ARHGEF10: variants seen among roughly 807,000 people sequenced by gnomAD.
The protein encoded by ARHGEF10 is Rho guanine nucleotide exchange factor 10.
In ARHGEF10, 140 loss-of-function variants were observed where a neutral mutation model predicts 147.4. That is an observed-to-expected ratio of 0.95 (90% CI 0.83 to 1.09). The LOEUF (loss-of-function observed/expected upper bound fraction) is 1.09. Ranked by LOEUF, ARHGEF10 falls within the 50% of genes least tolerant of loss-of-function variation. The pLI, the probability that ARHGEF10 is intolerant of heterozygous loss-of-function variation, is 0.00. For synonymous variants in ARHGEF10, 902 were observed against 695.8 expected (o/e 1.30, Z -4.67); for missense variants, 2,222 against 1,752.7 (o/e 1.27, Z -4.78).
chr8:1,919,676 T>A, intron 18 of ARHGEF10, among the ~76,000 whole-genome samples: 1 of 149,576 alleles, frequency 6.7e-6, no homozygotes, highest in Non-Finnish European at 1.5e-5. Flanking sequence ...GGAGCTGTTC[T>A]ATGGGTGATG....
chr8:1,954,986 T>G (rs912517358), intron 28 of ARHGEF10, among the ~76,000 whole-genome samples: 3 of 147,856 alleles, frequency 2.0e-5, no homozygotes, highest in African/African-American at 5.1e-5. Flanking sequence ...ACTCTCACTG[T>G]TCCTCTGGAG....
chr8:1,862,707 G>A (rs1230790260), intron 4 of ARHGEF10, among the ~76,000 whole-genome samples: 2 of 152,002 alleles, frequency 1.3e-5, no homozygotes, highest in African/African-American at 4.8e-5. Context: ...TCCTGCCTTT[G>A]TCCCTCTGCA....
chr8:1,909,094 C>G (rs751689358), intron 17 of ARHGEF10, among the ~76,000 whole-genome samples: 2 of 152,228 alleles, frequency 1.3e-5, no homozygotes, highest in African/African-American at 4.8e-5. Context: ...CCTGCACTCT[C>G]TCTCATCCAG....
At chr8:1,876,808 G>A in intron 8 of ARHGEF10, 74 bp downstream of exon 8, 1 of 1,496,204 alleles carries the variant, frequency 6.7e-7, no homozygotes, top group Non-Finnish European at 9.3e-7. Context: ...ATATGATTGT[G>A]ATCCACCTAG....
intron 18 of ARHGEF10, among the ~76,000 whole-genome samples, chr8:1,919,434 T>G (rs1057003294): frequency 7.3e-6 from 1 of 136,748 alleles, no homozygotes; most frequent in Non-Finnish European, 1.5e-5. Flanking sequence ...GATGGAGCTG[T>G]TCCATGGGTG....
intron 18 of ARHGEF10, among the ~76,000 whole-genome samples, chr8:1,919,816 T>C (rs1483909436): frequency 6.8e-6 from 1 of 148,144 alleles, no homozygotes; most frequent in Non-Finnish European, 1.5e-5. Context: ...AGCTGTTCTG[T>C]GGGTGATGAG....
chr8:1,905,440 C>T (rs138681251), intron 16 of ARHGEF10, 131 bp from the exon 17 acceptor site: 3 of 1,143,622 alleles, frequency 2.6e-6, no homozygotes, highest in Non-Finnish European at 2.6e-6. Flanking sequence ...TCACGGGGAA[C>T]ATAGGAACGA....
At chr8:1,843,241 T>G in intron 1 of ARHGEF10, 112 bp from the exon 2 acceptor site, 1 of 747,950 alleles carries the variant, frequency 1.3e-6, no homozygotes, top group Non-Finnish European at 2.3e-6. Flanking sequence ...TTATGGCTAG[T>G]AATGACAGTT....
intron 26 of ARHGEF10, among the ~76,000 whole-genome samples, chr8:1,935,495 C>T (rs1247506697): frequency 6.6e-6 from 1 of 152,210 alleles, no homozygotes; most frequent in Admixed American, 6.5e-5. Flanking sequence ...CTTCAGGGTG[C>T]CATTTCTTCA....
intron 27 of ARHGEF10, among the ~76,000 whole-genome samples, chr8:1,951,461 G>A (rs537289025): frequency 1.3e-5 from 2 of 152,314 alleles, no homozygotes; most frequent in South Asian, 4.1e-4. Flanking sequence ...ATGAATCGGC[G>A]TTTAGAAATA....
chr8:1,850,331 C>T (rs1237724722), intron 2 of ARHGEF10, among the ~76,000 whole-genome samples: 36 of 143,384 alleles, frequency 2.5e-4, no homozygotes, highest in Non-Finnish European at 7.5e-5. Flanking sequence ...GTGGGGCAAC[C>T]GTGTGGACAG....
intron 26 of ARHGEF10, among the ~76,000 whole-genome samples, chr8:1,944,848 G>T (rs1814434644): frequency 6.6e-6 from 1 of 152,350 alleles, no homozygotes; most frequent in East Asian, 1.9e-4. Flanking sequence ...AGCCCCTGAG[G>T]CCATGTTGGG....
At position 1,945,468 on chromosome 8, in the gene ARHGEF10, C is replaced by T. The variant is rs1292491806; in HGVS notation, c.3223-13C>T. The T allele has an allele frequency of 1.3e-6, 2 of 1,578,862 alleles. No individual in the cohort carries two copies. Among genetic ancestry groups the T allele is most frequent in the East Asian group, 2.4e-5 (1 of 42,358 alleles). On this transcript the variant is annotated splice_polypyrimidine_tract_variant and intron_variant, in intron 26 of 28. Coordinates refer to ENST00000349830, the MANE Select transcript of ARHGEF10 (RefSeq NM_014629.4). ...TCCACGGGGCTAGCAGACTTGACCTCTCGATTTCACAGGGTCAGCTGGAGG... is the reference window on the plus strand; with the variant it reads ...TCCACGGGGCTAGCAGACTTGACCTTTCGATTTCACAGGGTCAGCTGGAGG...
At position 1,957,093 on chromosome 8, in the gene ARHGEF10, G is replaced by C. The variant is rs1180603547; in HGVS notation, c.3865G>C (p.Val1289Leu). ...STIYDLLKDP[V>L]SLRSKARRAK... ...CATCTATGATCTCCTGAAGGATCCT[G>C]TCTCGCTGAGAAGCAAAGCACGCCG... is the stretch of plus-strand genomic sequence containing the variant. The change falls in exon 29 of 29, where the codon GTC (valine) becomes CTC (leucine). Residue 1289 changes from valine to leucine, a missense_variant. Coordinates refer to ENST00000349830, the MANE Select transcript of ARHGEF10 (RefSeq NM_014629.4). 2 of 1,613,404 alleles carry C rather than the reference G, an allele frequency of 1.2e-6. No individual in the cohort carries two copies. Among genetic ancestry groups the C allele is most frequent in the Non-Finnish European group, 1.7e-6 (2 of 1,180,036 alleles).
chr8:1,885,954 C>A (rs1458593908), intron 11 of ARHGEF10, among the ~76,000 whole-genome samples: 2 of 152,124 alleles, frequency 1.3e-5, no homozygotes, highest in African/African-American at 2.4e-5. Context: ...ATATTTTGGA[C>A]AGCACCCCTG....
chr8:1,918,500 GTGTGTTA>G (rs1811934034), intron 18 of ARHGEF10, among the ~76,000 whole-genome samples: 1 of 142,104 alleles, frequency 7.0e-6, no homozygotes, highest in Admixed American at 7.3e-5. Flanking sequence ...GTGTGTGTGT[GTGTGTTA>G]TTTTAAAAAT....
intron 16 of ARHGEF10, among the ~76,000 whole-genome samples, chr8:1,905,012 C>T (rs1411625496): frequency 6.6e-6 from 1 of 152,090 alleles, no homozygotes; most frequent in African/African-American, 2.4e-5. Context: ...ACCTGTGGTC[C>T]CAGCTACTCG....
chr8:1,915,798 T>C (rs1811717923), intron 18 of ARHGEF10, among the ~76,000 whole-genome samples: 2 of 152,196 alleles, frequency 1.3e-5, no homozygotes, highest in African/African-American at 4.8e-5. Flanking sequence ...TACCCATATT[T>C]TCTAAATATG....
chr8:1,915,061 C>G (rs962440595), intron 18 of ARHGEF10, among the ~76,000 whole-genome samples: 22 of 152,146 alleles, frequency 1.4e-4, no homozygotes, highest in Admixed American at 1.2e-3. Flanking sequence ...TGCCACCACT[C>G]TCTGTGTCCT....
Sources: allele counts gnomAD v4.1 joint callset (sites outside exome capture counted in the v4.1 genomes callset), GRCh38; gene constraint gnomAD v4.1.1; transcripts MANE v1.5; gene names NCBI Gene and HGNC (gene_info 2026-07-23, HGNC 2026-07-21).